The following PRKCA variants were observed in gnomAD, a reference collection of about 807,000 sequenced individuals.
PRKCA encodes protein kinase C alpha type.
Under a neutral mutation model 87.0 loss-of-function variants are expected in PRKCA, and 27 were observed. The observed-to-expected ratio is 0.31, with a 90% confidence interval of 0.23 to 0.43. PRKCA has a LOEUF of 0.43. Ranked by LOEUF, PRKCA falls within the 20% of genes least tolerant of loss-of-function variation. PRKCA has a pLI of 1.00. For missense variants in PRKCA, 518 were observed against 852.3 expected (o/e 0.61, Z 4.88); for synonymous variants, 329 against 311.1 (o/e 1.06, Z -0.61).
chr17:66,437,988 G>A (rs777492823), intron 2 of PRKCA, among the ~76,000 whole-genome samples: 6 of 151,286 alleles, frequency 4.0e-5, no homozygotes, highest in Non-Finnish European at 8.8e-5. Flanking sequence ...AGGTGCTACT[G>A]TGCCCTTTAT....
intron 16 of PRKCA, among the ~76,000 whole-genome samples, chr17:66,789,198 C>G (rs565122675): frequency 2.0e-5 from 3 of 152,322 alleles, no homozygotes; most frequent in Non-Finnish European, 2.9e-5. Flanking sequence ...GGGAGGGGAA[C>G]CCTGTGCACA....
intron 13 of PRKCA, among the ~76,000 whole-genome samples, chr17:66,751,349 C>G (rs1172741034): frequency 2.0e-5 from 3 of 152,200 alleles, no homozygotes; most frequent in African/African-American, 4.8e-5. Flanking sequence ...ACAGATGGCA[C>G]ATGGCAGGGG....
At chr17:66,434,521 G>A (rs78531353) in intron 2 of PRKCA, among the ~76,000 whole-genome samples, 8 of 152,254 alleles carry the variant, frequency 5.3e-5, no homozygotes, top group East Asian at 1.9e-4. Flanking sequence ...TCCAGCCACC[G>A]CTGCTGGAGT....
chr17:66,791,625 A>G (rs1188277521), intron 16 of PRKCA, among the ~76,000 whole-genome samples: 2 of 152,224 alleles, frequency 1.3e-5, no homozygotes, highest in Non-Finnish European at 2.9e-5. Context: ...AGTGAGGCTC[A>G]TCGCAGCATG....
Position 66,592,343 on chromosome 17 carries a change from C to CAAAAAAAAAAAAAAAAAA in PRKCA, c.289-49011_289-48994dup, listed in dbSNP as rs71160581. Among the ~76,000 whole-genome samples the CAAAAAAAAAAAAAAAAAA allele has an allele frequency of 9.7e-4, 80 of 82,336 alleles. 6 individuals are homozygous for CAAAAAAAAAAAAAAAAAA. Among genetic ancestry groups the CAAAAAAAAAAAAAAAAAA allele is most frequent in the African/African-American group, 4.3e-3 (73 of 17,132 alleles). 54.0% of individuals were successfully genotyped at this position (82,336 alleles called of 152,430 possible). Reference sequence around the variant, plus strand: ...GCACTCCAGTCTGGGTGATCCGTCTCAAAAAAAAAAAAAAAAAAGTTACCA... The same window carrying CAAAAAAAAAAAAAAAAAA: ...GCACTCCAGTCTGGGTGATCCGTCTCAAAAAAAAAAAAAAAAAAAAAAAAAAAAAAAAAAAAGTTACCA... On this transcript the variant is annotated intron_variant, in intron 3 of 16. Transcript: ENST00000413366.
chr17:66,496,442 T>C (rs1916477256), intron 3 of PRKCA, among the ~76,000 whole-genome samples, 159 bp downstream of exon 3: 1 of 152,160 alleles, frequency 6.6e-6, no homozygotes, highest in Non-Finnish European at 1.5e-5. Context: ...TTATAGCCCA[T>C]ATGAGCTCTG....
chr17:66,581,558 C>T (rs912954171), intron 3 of PRKCA, among the ~76,000 whole-genome samples: 12 of 152,186 alleles, frequency 7.9e-5, no homozygotes, highest in Non-Finnish European at 1.3e-4. Context: ...TCACTGCACC[C>T]TCTGCCTCCT....
chr17:66,431,024 G>T (rs1391545467), intron 2 of PRKCA, among the ~76,000 whole-genome samples: 3 of 152,178 alleles, frequency 2.0e-5, no homozygotes, highest in Non-Finnish European at 4.4e-5. Context: ...CTGAAAGCAT[G>T]GTTTGGGCCT....
chr17:66,311,493 C>A (rs12944131), intron 2 of PRKCA, among the ~76,000 whole-genome samples: 57,316 of 151,902 alleles, frequency 0.38, 11,107 homozygotes, highest in East Asian at 0.57. Context: ...GTGCAGCACC[C>A]GTGGTCTCAG....
chr17:66,373,590 C>T (rs999236315), intron 2 of PRKCA, among the ~76,000 whole-genome samples: 2 of 152,134 alleles, frequency 1.3e-5, no homozygotes, highest in African/African-American at 4.8e-5. Flanking sequence ...TTTCTTTTTT[C>T]TTCCAACAGC....
chr17:66,559,405 G>T (rs1200481292), intron 3 of PRKCA, among the ~76,000 whole-genome samples: 1 of 149,344 alleles, frequency 6.7e-6, no homozygotes, highest in Non-Finnish European at 1.5e-5. Context: ...AACTCAGGAG[G>T]TGGAGGTTGC....
intron 8 of PRKCA, among the ~76,000 whole-genome samples, chr17:66,731,759 G>A (rs546182614): frequency 9.3e-5 from 14 of 149,970 alleles, no homozygotes; most frequent in African/African-American, 3.4e-4. Flanking sequence ...CGCAAAGGGC[G>A]CCTTGTGCTC....
At chr17:66,631,562 G>A (rs1309277571) in intron 3 of PRKCA, among the ~76,000 whole-genome samples, 8 of 152,254 alleles carry the variant, frequency 5.3e-5, no homozygotes, top group East Asian at 1.9e-4. Context: ...GGGACCACAA[G>A]CATGCGCCAC....
chr17:66,376,095 C>A (rs1353923282), intron 2 of PRKCA, among the ~76,000 whole-genome samples: 1 of 152,166 alleles, frequency 6.6e-6, no homozygotes, highest in Non-Finnish European at 1.5e-5. Flanking sequence ...AGTCCCTGGG[C>A]AGGAAGCTTC....
chr17:66,679,149 A>G (rs569902398), intron 5 of PRKCA, among the ~76,000 whole-genome samples: 1 of 147,372 alleles, frequency 6.8e-6, no homozygotes, highest in South Asian at 2.2e-4. Flanking sequence ...TTAGAATTGC[A>G]TCCCTGAAGC....
intron 14 of PRKCA, among the ~76,000 whole-genome samples, chr17:66,778,866 C>T (rs1323940262): frequency 1.3e-5 from 2 of 148,214 alleles, no homozygotes; most frequent in Non-Finnish European, 3.0e-5. Context: ...AAAAAAACAA[C>T]AACTCCTTAA....
intron 2 of PRKCA, chr17:66,415,252 AT>A (rs1169466545): frequency 6.6e-6 from 1 of 152,196 alleles, no homozygotes; most frequent in African/African-American, 2.4e-5. Flanking sequence ...TGAATTTTTA[AT>A]TTTGATACGA....
intron 2 of PRKCA, among the ~76,000 whole-genome samples, chr17:66,465,476 CA>C (rs1915044515): frequency 1.3e-5 from 2 of 152,064 alleles, no homozygotes; most frequent in African/African-American, 4.8e-5. Context: ...ACAGCAGCCT[CA>C]AACTCCTGGG....
At chr17:66,593,822 G>A (rs752327387) in intron 3 of PRKCA, among the ~76,000 whole-genome samples, 8 of 152,160 alleles carry the variant, frequency 5.3e-5, no homozygotes, top group East Asian at 1.9e-4. Flanking sequence ...GGGGGCCCAC[G>A]CCTGTAATCC....
Sources: gnomAD v4.1 joint callset for allele counts (sites outside exome capture counted in the v4.1 genomes callset) on GRCh38, gnomAD v4.1.1 for gene constraint, MANE v1.5 for transcripts, NCBI Gene and HGNC (gene_info 2026-07-23, HGNC 2026-07-21) for gene names.